DTHD1: variants seen among roughly 807,000 people sequenced by gnomAD.
DTHD1 encodes the protein death domain containing 1.
A neutral mutation model predicts 74.8 loss-of-function variants in DTHD1; 59 were observed. The ratio of observed to expected loss-of-function variants is 0.79; its 90% confidence interval spans 0.64 to 0.98. The LOEUF is 0.98. Among genes scored for constraint, DTHD1 ranks in the 50% least tolerant of loss-of-function variants. The pLI is 0.00. For synonymous variants in DTHD1, 365 were observed against 371.1 expected, an observed-to-expected ratio of 0.98 and a Z score of 0.19; for missense variants, 1,051 against 1,065.4, an observed-to-expected ratio of 0.99 and a Z score of 0.19.
At chr4:36,307,658 C>A (rs968545828) in intron 6 of DTHD1, among the ~76,000 whole-genome samples, 5 of 152,150 alleles carry the variant, frequency 3.3e-5, no homozygotes, top group Non-Finnish European at 4.4e-5. Context: ...GTATTTTAAT[C>A]CCCATTTAAT....
At chr4:36,283,915 A>T in intron 1 of DTHD1, 61 bp from the exon 2 acceptor site, 1 of 1,167,426 alleles carries the variant, frequency 8.6e-7, no homozygotes, top group Non-Finnish European at 1.2e-6. Context: ...ATGTCAGTGC[A>T]GAAACATAAT....
rs192240701 is a variant in DTHD1 at position 36,315,351 on chromosome 4, A to C, written c.2096-891A>C. Among the ~76,000 whole-genome samples, 131 of 152,328 alleles carry C rather than the reference A, an allele frequency of 8.6e-4. No individual in the cohort carries two copies. In the Middle Eastern group the frequency reaches 0.024, roughly 28 times the overall value. ...ATAGAAATTTCAGTAACACAAATTCAATAACTATTACACCTGAAAGTTCTA... is the reference window on the plus strand; with the variant it reads ...ATAGAAATTTCAGTAACACAAATTCCATAACTATTACACCTGAAAGTTCTA... On this transcript the variant is annotated intron_variant, in intron 7 of 9. Transcript: ENST00000639862.
intron 3 of DTHD1, 98 bp downstream of exon 3, chr4:36,290,801 T>A: frequency 1.1e-6 from 1 of 944,742 alleles, no homozygotes; most frequent in East Asian, 2.6e-5. Flanking sequence ...ATTGCTCCAC[T>A]AGTAATAAAT....
chr4:36,318,874 G>A (rs973171803), intron 8 of DTHD1, among the ~76,000 whole-genome samples: 5 of 152,070 alleles, frequency 3.3e-5, no homozygotes, highest in Non-Finnish European at 5.9e-5. Flanking sequence ...TCGGCCTCCC[G>A]AAGTGGTGGG....
In DTHD1 at chr4:36,294,962, C is replaced by G; in HGVS notation, c.1566C>G (p.Asn522Lys). The G allele has an allele frequency of 6.4e-7, 1 of 1,551,556 alleles. No individual in the cohort carries two copies. The highest frequency in any genetic ancestry group is 1.7e-4 in the Middle Eastern group (1 of 5,994). Residue 522 changes from asparagine (N) to lysine (K), a missense_variant, in exon 5 of 10, where the codon AAC (asparagine) becomes AAG (lysine). Asn to Lys is a moderately conservative substitution (Grantham distance 94). Transcript: ENST00000639862. ...CTTGTTCTCCATACCTTGATAAAAA[C>G]AACCTTGGTTCTGAGATAGATCATA... ...FLPCSPYLDK[N>K]NLGSEIDHKR...
chr4:36,335,624 C>T (rs555401199), intron 8 of DTHD1, among the ~76,000 whole-genome samples: 12 of 152,220 alleles, frequency 7.9e-5, no homozygotes, highest in Non-Finnish European at 1.5e-4. Context: ...CCCTCAAAAA[C>T]GTTAAGTCTA....
intron 5 of DTHD1, among the ~76,000 whole-genome samples, chr4:36,302,295 T>A (rs1756824610): frequency 6.6e-6 from 1 of 152,166 alleles, no homozygotes; most frequent in African/African-American, 2.4e-5. Context: ...ACATGAAGAC[T>A]GAGGACTACT....
intron 8 of DTHD1, among the ~76,000 whole-genome samples, chr4:36,322,119 AT>A (rs1476987726): frequency 6.6e-6 from 1 of 151,036 alleles, no homozygotes; most frequent in African/African-American, 2.4e-5. Flanking sequence ...AATCTGCCCT[AT>A]TTTTTCCCTC....
intron 7 of DTHD1, among the ~76,000 whole-genome samples, chr4:36,309,030 C>T (rs932157187): frequency 6.6e-6 from 1 of 152,148 alleles, no homozygotes; most frequent in Admixed American, 6.5e-5. Flanking sequence ...AGTATTATTG[C>T]TATATTTTTT....
At chr4:36,335,334 C>T (rs1758949637) in intron 8 of DTHD1, among the ~76,000 whole-genome samples, 1 of 152,264 alleles carries the variant, frequency 6.6e-6, no homozygotes, top group Non-Finnish European at 1.5e-5. Flanking sequence ...GGTGATCCTC[C>T]TCCCTCAGCC....
rs1756307093 is a variant in DTHD1 at position 36,294,940 on chromosome 4, G to C, written c.1544G>C (p.Cys515Ser). ...FQKPVTLFLP[C>S]SPYLDKNNLG... Reference sequence around the variant, plus strand: ...AAGCCAGTCACTTTGTTTTTACCTTGTTCTCCATACCTTGATAAAAACAAC... The same window carrying C: ...AAGCCAGTCACTTTGTTTTTACCTTCTTCTCCATACCTTGATAAAAACAAC... The change falls in exon 5 of 10, where the codon TGT (cysteine) becomes TCT (serine). Residue 515 changes from cysteine to serine, a missense_variant. Cys to Ser is a moderately radical substitution (Grantham distance 112). Transcript: ENST00000639862. 1 of 1,551,432 alleles carries C rather than the reference G, an allele frequency of 6.4e-7. No homozygotes were observed. The highest frequency in any genetic ancestry group is 8.7e-7 in the Non-Finnish European group (1 of 1,146,686).
At chr4:36,315,668 AGC>A (rs1757670673) in intron 7 of DTHD1, 5 of 152,242 alleles carry the variant, frequency 3.3e-5, no homozygotes, top group Admixed American at 6.5e-5. Flanking sequence ...ATGCTGCAAA[AGC>A]TGAATATTTC....
At position 36,282,014 on chromosome 4, in the gene DTHD1, T is replaced by G; in HGVS notation, c.256T>G (p.Cys86Gly). The change falls in exon 1 of 10, where the codon TGT becomes GGT. Residue 86 changes from cysteine to glycine, a missense_variant. Physicochemically the swap from Cys to Gly is radical, Grantham distance 159. Coordinates refer to ENST00000639862, the MANE Select transcript of DTHD1 (RefSeq NM_001170700.3). ...TGTGCTGCTTGACAAAGAGAATCAA[T>G]GTGTCTCGAGAAAAGGCAAGTATTC... is the stretch of plus-strand genomic sequence containing the variant. ...LHVLLDKENQ[C>G]VSRKEIITFI... 3 of 1,525,336 alleles carry G rather than the reference T, an allele frequency of 2.0e-6. No individual in the cohort carries two copies. Among genetic ancestry groups the G allele is most frequent in the Non-Finnish European group, 2.6e-6 (3 of 1,132,862 alleles). The allele number at this position is 1,525,336 out of a possible 1,614,324, so 94.5% of individuals were successfully genotyped here.
chr4:36,306,284 G>T lies in DTHD1; in HGVS notation c.1737G>T (p.Gly579=). 3 of 1,551,680 alleles carry T rather than the reference G, an allele frequency of 1.9e-6. No homozygotes were observed. The highest frequency in any genetic ancestry group is 2.6e-6 in the Non-Finnish European group (3 of 1,146,952). ...GFRSQDSGWC[G]LDDVVKTIQS... ...GAAGCCAAGACAGTGGTTGGTGTGG[G>T]CTTGATGATGTTGTGAAAACCATAC... is the stretch of plus-strand genomic sequence containing the variant. The change falls in exon 6 of 10, where the codon GGG becomes GGT. Residue 579 remains glycine, a synonymous_variant. Transcript: ENST00000639862.
At chr4:36,315,797 C>T (rs1218515377) in intron 7 of DTHD1, 1 of 152,760 alleles carries the variant, frequency 6.5e-6, no homozygotes, top group East Asian at 1.9e-4. Flanking sequence ...TTCGAGTAAT[C>T]TACATGGTCT....
intron 9 of DTHD1, among the ~76,000 whole-genome samples, chr4:36,342,668 T>C (rs1204422698): frequency 1.3e-5 from 2 of 151,792 alleles, no homozygotes; most frequent in Non-Finnish European, 2.9e-5. Context: ...TGTGTGTGAG[T>C]GTGTGTATAG....
chr4:36,315,974 C>T (rs974439731), intron 7 of DTHD1, among the ~76,000 whole-genome samples: 1 of 152,186 alleles, frequency 6.6e-6, no homozygotes, highest in Non-Finnish European at 1.5e-5. Flanking sequence ...CTCCTTCTAG[C>T]GCCCAGGCTG....
In DTHD1 at chr4:36,308,385, G is replaced by A; in HGVS notation, c.1987G>A (p.Asp663Asn). ...PSKDLSQVLK[D>N]LHLEGFGGPP... ...CAAAGATTTAAGCCAGGTGCTTAAG[G>A]ACCTGCACTTGGAAGGGTTTGGAGG... The change falls in exon 7 of 10, where the codon GAC (aspartate) becomes AAC (asparagine). Residue 663 changes from aspartate (D) to asparagine (N), a missense_variant. Transcript: ENST00000639862. 9.7e-6 allele frequency: 15 copies of A among 1,551,820 alleles called. No homozygotes were observed. The highest frequency in any genetic ancestry group is 1.2e-5 in the Non-Finnish European group (14 of 1,147,008).
intron 5 of DTHD1, among the ~76,000 whole-genome samples, chr4:36,299,914 G>A (rs1351763267): frequency 2.0e-5 from 3 of 152,080 alleles, no homozygotes; most frequent in Non-Finnish European, 4.4e-5. Context: ...AGGCTGCAGT[G>A]AGCTGAGATC....
Sources: gnomAD v4.1 joint callset for allele counts (sites outside exome capture counted in the v4.1 genomes callset) on GRCh38, gnomAD v4.1.1 for gene constraint, MANE v1.5 for transcripts, NCBI Gene and HGNC (gene_info 2026-07-23, HGNC 2026-07-21) for gene names.